The following TRAF2 variants were observed in gnomAD, a reference collection of about 807,000 sequenced individuals.
TRAF2 encodes TNF receptor associated factor 2.
A neutral mutation model predicts 55.6 loss-of-function variants in TRAF2; 6 were observed. The ratio of observed to expected loss-of-function variants is 0.11; its 90% CI spans 0.06 to 0.21. The LOEUF (loss-of-function observed/expected upper bound fraction) is 0.21. TRAF2 is among the 10% of genes least tolerant of loss of function. The probability of loss-of-function intolerance (pLI) is 1.00; values close to 1 mark genes in which losing one functional copy is unlikely to be tolerated. For missense variants in TRAF2, 561 were observed against 684.5 expected, an observed-to-expected ratio of 0.82 and a Z score of 2.01; for synonymous variants, 329 against 276.3, an observed-to-expected ratio of 1.19 and a Z score of -1.89.
chr9:136,901,479 G>A (rs1010065091), intron 4 of TRAF2, among the ~76,000 whole-genome samples: 15 of 152,200 alleles, frequency 9.9e-5, no homozygotes, highest in Admixed American at 1.3e-4. Context: ...GAACTCTGAG[G>A]ACAGTGTGCT....
intron 1 of TRAF2, among the ~76,000 whole-genome samples, chr9:136,895,320 G>T (rs1849657664): frequency 6.6e-6 from 1 of 152,172 alleles, no homozygotes; most frequent in Non-Finnish European, 1.5e-5. Context: ...GCTGCTTTGA[G>T]GAGGCAAGTG....
chr9:136,908,055 T>A lies in TRAF2; in HGVS notation c.367-15T>A, dbSNP rs773266872. On this transcript the variant is annotated splice_polypyrimidine_tract_variant and intron_variant, in intron 4 of 10. Transcript: ENST00000247668. ...CCACGCGAGTTCTACTGACGCTTCC[T>A]CCTTTCGTTGCTAGAGCTGCCACGA... The A allele has an allele frequency of 1.3e-6, 2 of 1,595,032 alleles. No homozygotes were observed. Among genetic ancestry groups the A allele is most frequent in the Non-Finnish European group, 1.7e-6 (2 of 1,175,364 alleles).
chr9:136,925,953 A>G lies in TRAF2; in HGVS notation c.*52A>G, dbSNP rs749548801. The G allele has an allele frequency of 1.2e-6, 2 of 1,602,780 alleles. No homozygotes were observed. Among genetic ancestry groups the G allele is most frequent in the Admixed American group, 3.3e-5 (2 of 59,766 alleles). On this transcript the variant is annotated 3_prime_UTR_variant, in exon 11 of 11. Coordinates refer to ENST00000247668, the MANE Select transcript of TRAF2 (RefSeq NM_021138.4). ...GGGGGCAGCCAGGCACAGCCGGCTC[A>G]CGGAGGGGCCACCACGCTGGGCCAG...
chr9:136,888,841 G>A (rs1849511408), intron 1 of TRAF2, among the ~76,000 whole-genome samples: 1 of 152,140 alleles, frequency 6.6e-6, no homozygotes, highest in Non-Finnish European at 1.5e-5. Flanking sequence ...CACACAGCTC[G>A]GCCCTACCAG....
At chr9:136,904,890 TG>T (rs1027900352) in intron 4 of TRAF2, among the ~76,000 whole-genome samples, 2 of 151,998 alleles carry the variant, frequency 1.3e-5, no homozygotes, top group African/African-American at 4.8e-5. Context: ...TGCAAGGCGC[TG>T]TTGGGTTCAG....
chr9:136,889,022 G>A (rs1295975677), intron 1 of TRAF2, among the ~76,000 whole-genome samples: 1 of 151,738 alleles, frequency 6.6e-6, no homozygotes, highest in Admixed American at 6.6e-5. Flanking sequence ...CCGCCACCAC[G>A]CCCAGCTAAT....
Position 136,926,265 on chromosome 9 carries a change from CAGG to C in TRAF2, c.*367_*369del. On this transcript the variant is annotated 3_prime_UTR_variant, in exon 11 of 11. Transcript: ENST00000247668. ...GCACATCCCAGCAGTGCCCATGTAGCAGGAGCACAGTGGATGGCCTTGTGTCCC... is the reference window on the plus strand; with the variant it reads ...GCACATCCCAGCAGTGCCCATGTAGCAGCACAGTGGATGGCCTTGTGTCCC... The C allele has an allele frequency of 2.5e-6, 1 of 392,180 alleles. No individual in the cohort carries two copies. The highest frequency in any genetic ancestry group is 4.9e-6 in the Non-Finnish European group (1 of 202,418). The allele number at this position is 392,180 out of a possible 1,614,324, so 24.3% of individuals were successfully genotyped here.
In TRAF2 at chr9:136,924,884, ATG is replaced by A. The variant is rs1211180393; in HGVS notation, c.1288-798_1288-797del. Among the ~76,000 whole-genome samples, 16 of 151,796 alleles carry A rather than the reference ATG, an allele frequency of 1.1e-4. No individual in the cohort carries two copies. In the East Asian group the frequency reaches 2.4e-3, roughly 22 times the overall value. On this transcript the variant is annotated intron_variant, in intron 10 of 10. Coordinates refer to ENST00000247668, the MANE Select transcript of TRAF2 (RefSeq NM_021138.4). ...CTCCTGAGTAGCTGGGACTACAGGC[ATG>A]CACCACCACGCCCAGCTAATTTTTG...
intron 4 of TRAF2, among the ~76,000 whole-genome samples, chr9:136,901,448 G>A (rs1420078994): frequency 6.6e-6 from 1 of 152,140 alleles, no homozygotes; most frequent in Non-Finnish European, 1.5e-5. Flanking sequence ...AAGGCGATTC[G>A]GACACACACA....
intron 1 of TRAF2, among the ~76,000 whole-genome samples, chr9:136,895,217 C>T (rs951202562): frequency 2.6e-5 from 4 of 152,320 alleles, no homozygotes; most frequent in African/African-American, 7.2e-5. Flanking sequence ...GGGTGACCCA[C>T]GCCACCGTGT....
At chr9:136,919,380 C>A (rs1850327901) in intron 7 of TRAF2, among the ~76,000 whole-genome samples, 1 of 145,228 alleles carries the variant, frequency 6.9e-6, no homozygotes, top group Non-Finnish European at 1.5e-5. Context: ...CTCACCACAA[C>A]CTCCACCTCC....
intron 10 of TRAF2, among the ~76,000 whole-genome samples, chr9:136,924,886 G>GC (rs1554782664): frequency 6.6e-6 from 1 of 151,950 alleles, no homozygotes; most frequent in Non-Finnish European, 1.5e-5. Context: ...CTACAGGCAT[G>GC]CACCACCACG....
intron 4 of TRAF2, among the ~76,000 whole-genome samples, chr9:136,901,094 G>A (rs1849809963): frequency 7.7e-6 from 1 of 130,402 alleles, no homozygotes; most frequent in Admixed American, 7.4e-5. Flanking sequence ...GCTGTGGTTT[G>A]TCCCTGTGTG....
chr9:136,895,577 A>G (rs914730684), intron 1 of TRAF2, among the ~76,000 whole-genome samples: 1 of 152,204 alleles, frequency 6.6e-6, no homozygotes, highest in Non-Finnish European at 1.5e-5. Flanking sequence ...GGAATGGGCC[A>G]GGCACGGTGG....
At chr9:136,918,667 G>C (rs1850304167) in intron 7 of TRAF2, among the ~76,000 whole-genome samples, 2 of 152,084 alleles carry the variant, frequency 1.3e-5, no homozygotes, top group Non-Finnish European at 2.9e-5. Flanking sequence ...GTTTAAGGAG[G>C]CCTAGCTTCC....
In TRAF2 at chr9:136,904,206, A is replaced by G. The variant is rs573995536; in HGVS notation, c.366+3686A>G. 1.4e-4 allele frequency among the ~76,000 whole-genome samples: 22 copies of G among 152,052 alleles called. No homozygotes were observed. In the South Asian group the frequency reaches 4.4e-3, roughly 30 times the overall value. On this transcript the variant is annotated intron_variant, in intron 4 of 10. Coordinates refer to ENST00000247668, the MANE Select transcript of TRAF2 (RefSeq NM_021138.4). ...ATATCATTTCACCTATGAGCATTTT[A>G]TTACTATTATTTTTAGAAATAGAGT...
intron 6 of TRAF2, among the ~76,000 whole-genome samples, chr9:136,910,437 T>C (rs1369875878): frequency 2.6e-5 from 4 of 152,356 alleles, no homozygotes; most frequent in African/African-American, 7.2e-5. Flanking sequence ...GGCAGAACTT[T>C]GTCCCTGGTG....
At chr9:136,923,231 G>A (rs1055210594) in intron 9 of TRAF2, among the ~76,000 whole-genome samples, 1 of 152,180 alleles carries the variant, frequency 6.6e-6, no homozygotes, top group Non-Finnish European at 1.5e-5. Flanking sequence ...GCTCTGCCGA[G>A]GTCCCAACCA....
intron 6 of TRAF2, among the ~76,000 whole-genome samples, chr9:136,914,343 G>A (rs1285993409): frequency 6.6e-6 from 1 of 152,146 alleles, no homozygotes; most frequent in Non-Finnish European, 1.5e-5. Flanking sequence ...CTGCGCACAT[G>A]CCAGGTTCCT....
Sources: gnomAD v4.1 joint callset for allele counts (sites outside exome capture counted in the v4.1 genomes callset) on GRCh38, gnomAD v4.1.1 for gene constraint, MANE v1.5 for transcripts, NCBI Gene and HGNC (gene_info 2026-07-23, HGNC 2026-07-21) for gene names.